Variants in GRAMD2B observed in about 807,000 individuals in gnomAD.
The protein encoded by GRAMD2B is GRAM domain containing 2B, also known as GRAM domain-containing protein 2B.
In GRAMD2B, 41 loss-of-function variants were observed where a neutral mutation model predicts 59.2. The observed-to-expected ratio is 0.69, with a 90% CI of 0.54 to 0.90. GRAMD2B has a LOEUF of 0.90. GRAMD2B is among the 40% of genes least tolerant of loss of function. The pLI, the probability that GRAMD2B is intolerant of heterozygous loss-of-function variation, is 0.00. For missense variants in GRAMD2B, 424 were observed against 500.5 expected (o/e 0.85, Z 1.46); for synonymous variants, 161 against 182.7 (o/e 0.88, Z 0.96).
intron 1 of GRAMD2B, among the ~76,000 whole-genome samples, chr5:126,449,796 T>C (rs1765001993): frequency 6.6e-6 from 1 of 152,186 alleles, no homozygotes; most frequent in Admixed American, 6.5e-5. Flanking sequence ...CTTGGTGGGA[T>C]ATGGCATGAG....
chr5:126,483,667 G>A, intron 9 of GRAMD2B, 93 bp downstream of exon 9: 1 of 663,552 alleles, frequency 1.5e-6, no homozygotes, highest in East Asian at 2.8e-5. Context: ...AGAAAAGAAA[G>A]AAAAAAACCC....
intron 1 of GRAMD2B, among the ~76,000 whole-genome samples, chr5:126,393,860 C>G (rs1364672760): frequency 6.6e-6 from 1 of 152,166 alleles, no homozygotes; most frequent in Non-Finnish European, 1.5e-5. Context: ...TAATCCCACA[C>G]AGACCAGGCC....
upstream of GRAMD2B, among the ~76,000 whole-genome samples, chr5:126,366,844 G>A (rs1461744416): frequency 1.7e-5 from 2 of 119,894 alleles, no homozygotes; most frequent in Admixed American, 2.2e-4. Context: ...ACCAGACCAA[G>A]GCTTTTTTTT....
In GRAMD2B at chr5:126,494,055, A is replaced by G. The variant is rs1374840633; in HGVS notation, c.*1099A>G. On this transcript the variant is annotated 3_prime_UTR_variant, in exon 14 of 14. Coordinates refer to ENST00000285689, the MANE Select transcript of GRAMD2B (RefSeq NM_023927.4). ...TGTATTTTATTTAATCAGATAAGCT[A>G]ATAAGCGAATTGGTTACATCGTTTG... The G allele has an allele frequency of 6.6e-6, 1 of 152,664 alleles. No individual in the cohort carries two copies. The highest frequency in any genetic ancestry group is 1.5e-5 in the Non-Finnish European group (1 of 68,034). 9.5% of individuals were successfully genotyped at this position (152,664 alleles called of 1,614,324 possible).
chr5:126,455,714 A>T (rs1483657899), intron 1 of GRAMD2B, among the ~76,000 whole-genome samples: 5 of 152,244 alleles, frequency 3.3e-5, no homozygotes, highest in Middle Eastern at 3.2e-3. Context: ...ATAGAAATAT[A>T]ATTTACATTT....
chr5:126,381,159 A>G (rs569744690), intron 1 of GRAMD2B, among the ~76,000 whole-genome samples: 3 of 152,166 alleles, frequency 2.0e-5, no homozygotes, highest in African/African-American at 4.8e-5. Context: ...GGAGATGATC[A>G]TGTGATTTTT....
At chr5:126,413,948 C>T (rs899598978) in intron 1 of GRAMD2B, among the ~76,000 whole-genome samples, 9 of 152,070 alleles carry the variant, frequency 5.9e-5, no homozygotes, top group Admixed American at 3.9e-4. Context: ...TAGTAAAGTG[C>T]ATATTAGGAT....
Position 126,484,398 on chromosome 5 carries a change from G to C in GRAMD2B, c.848-4G>C. On this transcript the variant is annotated splice_polypyrimidine_tract_variant and splice_region_variant and intron_variant, in intron 9 of 13. Coordinates refer to ENST00000285689, the MANE Select transcript of GRAMD2B (RefSeq NM_023927.4). Reference sequence around the variant, plus strand: ...ACTTACCCAGCTCTGTTTTGGCTTAGTAGATTTCCATGCGACAGAATCCCA... The same window carrying C: ...ACTTACCCAGCTCTGTTTTGGCTTACTAGATTTCCATGCGACAGAATCCCA... The C allele has an allele frequency of 1.2e-6, 2 of 1,612,826 alleles. No homozygotes were observed. Among genetic ancestry groups the C allele is most frequent in the South Asian group, 2.2e-5 (2 of 90,660 alleles).
chr5:126,448,201 G>T (rs1764705109), intron 1 of GRAMD2B, among the ~76,000 whole-genome samples: 1 of 152,108 alleles, frequency 6.6e-6, no homozygotes, highest in South Asian at 2.1e-4. Flanking sequence ...TGATACAGTT[G>T]CCATGACAGT....
intron 1 of GRAMD2B, among the ~76,000 whole-genome samples, chr5:126,426,110 A>G (rs1760573473): frequency 6.6e-6 from 1 of 152,104 alleles, no homozygotes; most frequent in African/African-American, 2.4e-5. Context: ...CCTGTACCCC[A>G]TAAATGTAAA....
chr5:126,483,375 G>A (rs372022960), intron 8 of GRAMD2B, 88 bp from the exon 9 acceptor site: 8 of 741,506 alleles, frequency 1.1e-5, no homozygotes, highest in South Asian at 4.9e-5. Context: ...TTATAGGTCA[G>A]GCCTAGGTGA....
At chr5:126,412,589 A>G (rs1384160194) in intron 1 of GRAMD2B, among the ~76,000 whole-genome samples, 1 of 151,914 alleles carries the variant, frequency 6.6e-6, no homozygotes, top group Non-Finnish European at 1.5e-5. Flanking sequence ...TTGTGTCTTT[A>G]CCAGGTTTTG....
intron 5 of GRAMD2B, among the ~76,000 whole-genome samples, chr5:126,476,418 A>G (rs1383864973): frequency 6.6e-6 from 1 of 152,200 alleles, no homozygotes; most frequent in Admixed American, 6.5e-5. Flanking sequence ...TCATTTTACC[A>G]TGGCTGTGCG....
At chr5:126,373,412 T>C (rs1754926663) in intron 1 of GRAMD2B, among the ~76,000 whole-genome samples, 2 of 152,218 alleles carry the variant, frequency 1.3e-5, no homozygotes, top group Admixed American at 1.3e-4. Context: ...CTAGAGCTAA[T>C]AAAATGTACT....
chr5:126,361,602 GCTC>G, intron 1 of GRAMD2B, among the ~76,000 whole-genome samples: 1 of 151,914 alleles, frequency 6.6e-6, no homozygotes, highest in East Asian at 1.9e-4. Context: ...AATTCCCTCT[GCTC>G]CTCATCTTCC....
chr5:126,397,005 C>T (rs1053242368), intron 1 of GRAMD2B, among the ~76,000 whole-genome samples: 2 of 152,064 alleles, frequency 1.3e-5, no homozygotes, highest in African/African-American at 4.8e-5. Flanking sequence ...TGTCCTCTGC[C>T]CACTTTTTAA....
At chr5:126,374,025 G>C (rs1036488190) in intron 1 of GRAMD2B, among the ~76,000 whole-genome samples, 1 of 152,218 alleles carries the variant, frequency 6.6e-6, no homozygotes, top group Non-Finnish European at 1.5e-5. Flanking sequence ...TTGATTTCCA[G>C]TTGTCTGAGC....
chr5:126,370,377 A>G (rs1033282699), upstream of GRAMD2B, among the ~76,000 whole-genome samples: 18 of 152,124 alleles, frequency 1.2e-4, no homozygotes, highest in African/African-American at 4.1e-4. Flanking sequence ...CTCTTCCACA[A>G]TCAGAAACTG....
At position 126,486,921 on chromosome 5, in the gene GRAMD2B, T is replaced by C. The variant is rs138661325; in HGVS notation, c.1107T>C (p.Asn369=). The C allele has an allele frequency of 1.7e-5, 28 of 1,612,552 alleles. No individual in the cohort carries two copies. Among genetic ancestry groups the C allele is most frequent in the Admixed American group, 3.3e-5 (2 of 59,940 alleles). ...CCTTCTACATGAGATACAGAATTAATACTCTGGAGGAGCAGCTGGGGTTAC... is the reference window on the plus strand; with the variant it reads ...CCTTCTACATGAGATACAGAATTAACACTCTGGAGGAGCAGCTGGGGTTAC... ...ISTFYMRYRI[N]TLEEQLGLLT... Residue 369 remains asparagine, a synonymous_variant, in exon 12 of 14, where the codon AAT becomes AAC. Coordinates refer to ENST00000285689, the MANE Select transcript of GRAMD2B (RefSeq NM_023927.4).
Sources: gnomAD v4.1 joint callset for allele counts (sites outside exome capture counted in the v4.1 genomes callset) on GRCh38, gnomAD v4.1.1 for gene constraint, MANE v1.5 for transcripts, NCBI Gene and HGNC (gene_info 2026-07-23, HGNC 2026-07-21) for gene names.